The following ACOXL variants were observed in gnomAD, a reference collection of about 807,000 sequenced individuals.
The protein encoded by ACOXL is acyl-CoA oxidase like.
In ACOXL, 70 loss-of-function variants were observed where a neutral mutation model predicts 71.9. That is an observed-to-expected ratio of 0.97 (90% CI 0.80 to 1.19). ACOXL has a LOEUF of 1.19. ACOXL is among the 50% of genes most tolerant of loss of function. The probability of loss-of-function intolerance (pLI) is 0.00; values close to 1 mark genes in which losing one functional copy is unlikely to be tolerated. For synonymous variants in ACOXL, 253 were observed against 281.6 expected (o/e 0.90, Z 1.02); for missense variants, 703 against 736.3 (o/e 0.95, Z 0.52).
chr2:110,821,285 C>T (rs1359214995), intron 9 of ACOXL, among the ~76,000 whole-genome samples: 2 of 151,258 alleles, frequency 1.3e-5, no homozygotes, highest in South Asian at 2.1e-4. Context: ...CTCTCTCTCT[C>T]TTTTTTTTTA....
At chr2:110,917,360 A>G (rs139583623) in intron 11 of ACOXL, among the ~76,000 whole-genome samples, 1 of 152,324 alleles carries the variant, frequency 6.6e-6, no homozygotes, top group East Asian at 1.9e-4. Context: ...ACACCCCTAC[A>G]TGCTAAATAC....
At chr2:110,748,893 A>G (rs992869778) in intron 1 of ACOXL, among the ~76,000 whole-genome samples, 1 of 152,246 alleles carries the variant, frequency 6.6e-6, no homozygotes, top group African/African-American at 2.4e-5. Flanking sequence ...GTTTTCAACA[A>G]GAAGAGAATG....
intron 2 of ACOXL, among the ~76,000 whole-genome samples, chr2:110,774,718 C>T (rs1490907718): frequency 6.6e-6 from 1 of 152,140 alleles, no homozygotes; most frequent in African/African-American, 2.4e-5. Flanking sequence ...ATTGGAAGAC[C>T]TCATATTGTT....
chr2:111,114,319 C>T (rs1054312269), intron 17 of ACOXL: 4 of 152,468 alleles, frequency 2.6e-5, no homozygotes, highest in Non-Finnish European at 5.9e-5. Context: ...GGTATTCTCA[C>T]GGTTATAGGA....
intron 17 of ACOXL, among the ~76,000 whole-genome samples, chr2:111,096,194 A>G (rs1178174408): frequency 1.3e-5 from 2 of 151,374 alleles, no homozygotes; most frequent in South Asian, 2.1e-4. Context: ...CCCAGTTTTT[A>G]ATTCCAATTG....
At chr2:111,089,146 A>G (rs775302515) in intron 16 of ACOXL, among the ~76,000 whole-genome samples, 2 of 152,182 alleles carry the variant, frequency 1.3e-5, no homozygotes, top group Non-Finnish European at 2.9e-5. Flanking sequence ...TAAAAATACA[A>G]AAACTTAGCT....
In ACOXL at chr2:110,782,113, A is replaced by G. The variant is rs575098041; in HGVS notation, c.76-2619A>G. 5.3e-5 allele frequency among the ~76,000 whole-genome samples: 8 copies of G among 152,360 alleles called. No homozygotes were observed. The South Asian group carries it at 1.7e-3, about 32-fold the overall frequency. On this transcript the variant is annotated intron_variant, in intron 2 of 17. Coordinates refer to ENST00000439055, the MANE Select transcript of ACOXL (RefSeq NM_001142807.4). ...GGAATTATTATTATTTAAAATCACTACAAACTTACATGCTACTACGGAGAT... is the reference window on the plus strand; with the variant it reads ...GGAATTATTATTATTTAAAATCACTGCAAACTTACATGCTACTACGGAGAT...
intron 9 of ACOXL, among the ~76,000 whole-genome samples, chr2:110,807,163 G>C (rs1288173624): frequency 6.6e-6 from 1 of 152,232 alleles, no homozygotes; most frequent in African/African-American, 2.4e-5. Context: ...ACGTGATCAT[G>C]ATCGTGGGCA....
At chr2:111,102,756 T>C (rs1350263584) in intron 17 of ACOXL, among the ~76,000 whole-genome samples, 1 of 152,344 alleles carries the variant, frequency 6.6e-6, no homozygotes, top group East Asian at 1.9e-4. Context: ...TTAAATAAAT[T>C]ACTGAACTTG....
At chr2:110,946,521 T>G (rs557037661) in intron 12 of ACOXL, among the ~76,000 whole-genome samples, 1 of 152,322 alleles carries the variant, frequency 6.6e-6, no homozygotes, top group East Asian at 1.9e-4. Context: ...AGCCATATCT[T>G]AAACCCAGAG....
chr2:111,011,471 G>A (rs185657056), intron 14 of ACOXL, among the ~76,000 whole-genome samples: 10 of 152,266 alleles, frequency 6.6e-5, no homozygotes, highest in African/African-American at 2.2e-4. Context: ...TTAAAAATAA[G>A]CAAGGGTCTT....
At chr2:110,959,564 C>T (rs1035008649) in intron 12 of ACOXL, among the ~76,000 whole-genome samples, 2 of 152,132 alleles carry the variant, frequency 1.3e-5, no homozygotes, top group East Asian at 1.9e-4. Flanking sequence ...TTTTCTGTGC[C>T]ACACCTGTCC....
chr2:110,883,847 G>T (rs1209735174), intron 10 of ACOXL, among the ~76,000 whole-genome samples: 1 of 152,056 alleles, frequency 6.6e-6, no homozygotes, highest in African/African-American at 2.4e-5. Context: ...TCCATCCTTT[G>T]TATGAGAGAA....
chr2:111,031,249 G>A (rs2065250500), intron 14 of ACOXL, among the ~76,000 whole-genome samples: 1 of 151,882 alleles, frequency 6.6e-6, no homozygotes, highest in Admixed American at 6.6e-5. Flanking sequence ...AGGAGGGAAC[G>A]TGGGCTGGTT....
intron 10 of ACOXL, among the ~76,000 whole-genome samples, chr2:110,857,256 A>G (rs1321902172): frequency 3.3e-5 from 5 of 152,192 alleles, no homozygotes; most frequent in African/African-American, 1.2e-4. Context: ...GAAGATTGAG[A>G]AAAGGGGGAC....
intron 10 of ACOXL, among the ~76,000 whole-genome samples, chr2:110,863,440 T>C (rs1694189044): frequency 6.6e-6 from 1 of 152,228 alleles, no homozygotes; most frequent in African/African-American, 2.4e-5. Context: ...GTGATTGTTT[T>C]TTGATGATGA....
At chr2:110,894,340 A>C (rs1270401381) in intron 10 of ACOXL, among the ~76,000 whole-genome samples, 1 of 151,646 alleles carries the variant, frequency 6.6e-6, no homozygotes, top group Non-Finnish European at 1.5e-5. Flanking sequence ...ACCAAAAAAA[A>C]AAAAAAGCCC....
intron 12 of ACOXL, among the ~76,000 whole-genome samples, chr2:110,982,086 G>T (rs867725502): frequency 6.6e-6 from 1 of 152,184 alleles, no homozygotes; most frequent in Non-Finnish European, 1.5e-5. Context: ...CACTGCTTCA[G>T]ATCCATCCAT....
chr2:111,055,520 T>G (rs2066492373), intron 16 of ACOXL, among the ~76,000 whole-genome samples: 1 of 152,244 alleles, frequency 6.6e-6, no homozygotes, highest in South Asian at 2.1e-4. Context: ...GACCTCATCT[T>G]GGCCCCATGC....
Sources: allele counts gnomAD v4.1 joint callset (sites outside exome capture counted in the v4.1 genomes callset), GRCh38; gene constraint gnomAD v4.1.1; transcripts MANE v1.5; gene names NCBI Gene and HGNC (gene_info 2026-07-23, HGNC 2026-07-21).